The following SNX14 variants were observed in gnomAD, a reference collection of about 807,000 sequenced individuals.
The protein encoded by SNX14 is sorting nexin-14.
In SNX14, 93 loss-of-function variants were observed where a neutral mutation model predicts 133.8. That is an observed-to-expected ratio of 0.70 (90% CI 0.59 to 0.83). SNX14 has a LOEUF of 0.83. Ranked by LOEUF, SNX14 falls within the 40% of genes least tolerant of loss-of-function variation. SNX14 has a pLI of 0.00. For synonymous variants in SNX14, 368 were observed against 365.6 expected (o/e 1.01, Z -0.07); for missense variants, 945 against 1,094.9 (o/e 0.86, Z 1.93).
chr6:85,507,188 A>C, intron 28 of SNX14, 45 bp downstream of exon 28: 1 of 1,480,304 alleles, frequency 6.8e-7, no homozygotes, highest in South Asian at 1.2e-5. Flanking sequence ...AAATGTCAGC[A>C]TACCATTAAG....
At position 85,526,161 on chromosome 6, in the gene SNX14, T is replaced by C. The variant is rs1358396255; in HGVS notation, c.2072A>G (p.Gln691Arg). The stretch of plus-strand genomic sequence containing the variant: ...ATCTGGTAGTATCTTATCAAGAAAT[T>C]GTGTTTCCCCACCATTAGGGGAAAG... ...DFLSPNGGETQFLDKILPDVN... is the reference protein window; with the variant it reads ...DFLSPNGGETRFLDKILPDVN... The change falls in exon 21 of 29, where the codon CAA becomes CGA. Residue 691 changes from glutamine (Q) to arginine (R), a missense_variant. Gln to Arg is a conservative substitution (Grantham distance 43). Transcript: ENST00000314673. 6.2e-7 allele frequency: 1 copy of C among 1,606,734 alleles called. No individual in the cohort carries two copies. Among genetic ancestry groups the C allele is most frequent in the African/African-American group, 1.3e-5 (1 of 74,814 alleles).
At position 85,514,099 on chromosome 6, in the gene SNX14, C is replaced by T. The variant is rs762356587; in HGVS notation, c.2528G>A (p.Arg843His). 15 of 1,613,088 alleles carry T rather than the reference C, an allele frequency of 9.3e-6. No individual in the cohort carries two copies. Among genetic ancestry groups the T allele is most frequent in the East Asian group, 6.7e-5 (3 of 44,838 alleles). Residue 843 changes from arginine to histidine, a missense_variant, in exon 25 of 29, where the codon CGT (arginine) becomes CAT (histidine). Arg to His is a conservative substitution (Grantham distance 29, BLOSUM62 0). Around this residue, in one of 3 missense-constraint regions of SNX14, gnomAD observed 412 missense variants for 516.6 expected, o/e 0.80. Coordinates refer to ENST00000314673, the MANE Select transcript of SNX14 (RefSeq NM_153816.6). The part of the protein sequence containing the change: ...CKLEQLFQEH[R>H]LVSLITLLRD... The stretch of plus-strand genomic sequence containing the variant: ...GAGAAGTGTTATGAGTGAGACCAAA[C>T]GGTGCTCCTGAAATAGCTGTTCTAG...
At chr6:85,563,676 A>T (rs960772860) in intron 6 of SNX14, among the ~76,000 whole-genome samples, 1 of 152,202 alleles carries the variant, frequency 6.6e-6, no homozygotes, top group African/African-American at 2.4e-5. Flanking sequence ...TACAGGCGTG[A>T]GCCACCGCGC....
intron 5 of SNX14, among the ~76,000 whole-genome samples, chr6:85,567,248 G>A (rs1794176485): frequency 6.6e-6 from 1 of 152,008 alleles, no homozygotes; most frequent in African/African-American, 2.4e-5. Flanking sequence ...CTTAACTAGG[G>A]CCAATTATGC....
intron 6 of SNX14, among the ~76,000 whole-genome samples, chr6:85,559,482 T>C (rs777846687): frequency 1.3e-5 from 2 of 152,150 alleles, no homozygotes; most frequent in African/African-American, 2.4e-5. Flanking sequence ...TTTAAAAAAT[T>C]GTAGACCCTA....
At chr6:85,585,240 G>GTGGGGGAC (rs1243012273) in intron 1 of SNX14, among the ~76,000 whole-genome samples, 1 of 152,092 alleles carries the variant, frequency 6.6e-6, no homozygotes, top group Non-Finnish European at 1.5e-5. Flanking sequence ...CTGCTGGGGA[G>GTGGGGGAC]TGGGGGACTG....
intron 7 of SNX14, among the ~76,000 whole-genome samples, chr6:85,552,059 C>A (rs1263208213): frequency 5.2e-5 from 6 of 115,254 alleles, no homozygotes; most frequent in Non-Finnish European, 8.2e-5. Flanking sequence ...TTTTTTGAGA[C>A]GGAGTCTCGC....
Position 85,542,017 on chromosome 6 carries a change from T to C in SNX14, c.1416A>G (p.Ala472=). 1.9e-6 allele frequency: 3 copies of C among 1,591,694 alleles called. No individual in the cohort carries two copies. The South Asian group carries it at 3.5e-5, about 18-fold the overall frequency. ...ATTTTGAATTGCGTGTTGGTGATTC[T>C]GCACCTCTTAAAAGTTGTCTGAAAT... The part of the protein sequence containing the change: ...DEYFRQLLRG[A]ESPTRNSKLN... The change falls in exon 15 of 29, where the codon GCA becomes GCG. Residue 472 remains alanine, a synonymous_variant. Transcript: ENST00000314673.
intron 7 of SNX14, among the ~76,000 whole-genome samples, chr6:85,556,863 C>T (rs1789975279): frequency 6.6e-6 from 1 of 152,132 alleles, no homozygotes; most frequent in African/African-American, 2.4e-5. Flanking sequence ...ATCTGAGGAA[C>T]TATTCATATC....
rs371236465 is a variant in SNX14 at position 85,522,088 on chromosome 6, T to C, written c.2107+4038A>G. 3.3e-5 allele frequency among the ~76,000 whole-genome samples: 5 copies of C among 152,348 alleles called. No individual in the cohort carries two copies. In the East Asian group the frequency reaches 7.7e-4, roughly 24 times the overall value. ...TTATCTCTGCTATTTTCTAATACCT[T>C]TACAGGTTTCTATATAGGACTTTAG... is the stretch of plus-strand genomic sequence containing the variant. On this transcript the variant is annotated intron_variant, in intron 21 of 28. Transcript: ENST00000314673.
At chr6:85,508,218 A>G (rs1181281991) in intron 26 of SNX14, 159 bp from the exon 27 acceptor site, 2 of 1,308,850 alleles carry the variant, frequency 1.5e-6, no homozygotes, top group Admixed American at 3.6e-5. Flanking sequence ...GCTCCTGGAT[A>G]AGAGGTTTCT....
chr6:85,567,722 C>T, intron 4 of SNX14, 145 bp from the exon 5 acceptor site: 1 of 471,114 alleles, frequency 2.1e-6, no homozygotes. Flanking sequence ...GTGGCTCACA[C>T]CTGTAATCCC....
chr6:85,570,839 C>A (rs529727695), intron 4 of SNX14, among the ~76,000 whole-genome samples: 1 of 151,540 alleles, frequency 6.6e-6, no homozygotes, highest in East Asian at 1.9e-4. Flanking sequence ...GGTGACAGAG[C>A]GAGATTCCGT....
chr6:85,527,596 G>C (rs1778909181), intron 20 of SNX14, among the ~76,000 whole-genome samples: 1 of 151,902 alleles, frequency 6.6e-6, no homozygotes, highest in African/African-American at 2.4e-5. Flanking sequence ...TTAACAAATT[G>C]AAAGTATCCT....
rs374991450 is a variant in SNX14, at chr6:85,505,920, C to T, written c.*47G>A. ...CAAAAAAGTAAATTTCTACCACCCT[C>T]GCACAGCAGAAATTTCAATGGGTTA... On this transcript the variant is annotated 3_prime_UTR_variant, in exon 29 of 29. Coordinates refer to ENST00000314673, the MANE Select transcript of SNX14 (RefSeq NM_153816.6). 1.5e-5 allele frequency: 20 copies of T among 1,373,172 alleles called. No homozygotes were observed. Among genetic ancestry groups the T allele is most frequent in the Admixed American group, 5.1e-5 (3 of 59,398 alleles). 85.1% of individuals were successfully genotyped at this position (1,373,172 alleles called of 1,614,324 possible).
At chr6:85,578,282 T>G (rs974823373) in intron 1 of SNX14, among the ~76,000 whole-genome samples, 1 of 152,188 alleles carries the variant, frequency 6.6e-6, no homozygotes, top group Non-Finnish European at 1.5e-5. Flanking sequence ...TGCAGTTACA[T>G]TTGTAGATTT....
Position 85,572,278 on chromosome 6 carries a change from TAAAA to T in SNX14, c.338+16_338+19del. 2 of 1,611,442 alleles carry T rather than the reference TAAAA, an allele frequency of 1.2e-6. No homozygotes were observed. Among genetic ancestry groups the T allele is most frequent in the African/African-American group, 2.7e-5 (2 of 74,840 alleles). ...AAATGTAATTAGAAGGATCAACAAA[TAAAA>T]AAATATTTAACTTACCTATGTCGTT... On this transcript the variant is annotated intron_variant, in intron 3 of 28. Transcript: ENST00000314673.
At chr6:85,561,954 T>C (rs1791786743) in intron 6 of SNX14, among the ~76,000 whole-genome samples, 1 of 152,064 alleles carries the variant, frequency 6.6e-6, no homozygotes, top group Admixed American at 6.6e-5. Context: ...ACCCAAGTAA[T>C]GAGCACAGTA....
At chr6:85,542,933 A>G (rs1381151250) in intron 14 of SNX14, among the ~76,000 whole-genome samples, 1 of 151,750 alleles carries the variant, frequency 6.6e-6, no homozygotes, top group African/African-American at 2.4e-5. Context: ...CACCCAGCTA[A>G]TTTTTTCTAT....
Sources: allele counts gnomAD v4.1 joint callset (sites outside exome capture counted in the v4.1 genomes callset), GRCh38; gene constraint gnomAD v4.1.1; regional missense constraint gnomAD v4.1.1; transcripts MANE v1.5; gene names NCBI Gene and HGNC (gene_info 2026-07-23, HGNC 2026-07-21).